RELN: variants seen among roughly 807,000 people sequenced by gnomAD.
The protein encoded by RELN is reelin.
RELN carries 108 observed loss-of-function variants against 427.6 expected under a neutral mutation model. The ratio of observed to expected loss-of-function variants is 0.25; its 90% confidence interval spans 0.22 to 0.30. The LOEUF is 0.30. Among genes scored for constraint, RELN ranks in the 10% least tolerant of loss-of-function variants. The pLI is 1.00. For synonymous variants in RELN, 1,524 were observed against 1,513.4 expected, an observed-to-expected ratio of 1.01 and a Z score of -0.16; for missense variants, 3,715 against 4,302.8, an observed-to-expected ratio of 0.86 and a Z score of 3.82.
chr7:103,599,244 C>T (rs1346256780), intron 24 of RELN, among the ~76,000 whole-genome samples: 2 of 152,006 alleles, frequency 1.3e-5, no homozygotes, highest in Admixed American at 6.6e-5. Flanking sequence ...TCCCAATTGT[C>T]TTTCTTTTTT....
intron 1 of RELN, among the ~76,000 whole-genome samples, chr7:103,982,401 C>T (rs1302817560): frequency 1.3e-5 from 2 of 151,918 alleles, no homozygotes; most frequent in African/African-American, 4.8e-5. Flanking sequence ...GAATTATGAC[C>T]GACCTAAATA....
chr7:103,834,700 T>C (rs2116412090), intron 2 of RELN, among the ~76,000 whole-genome samples: 1 of 152,170 alleles, frequency 6.6e-6, no homozygotes, highest in South Asian at 2.1e-4. Context: ...TGAAAAGATA[T>C]TCAGGATCAT....
At chr7:103,914,513 G>T (rs1026000622) in intron 2 of RELN, among the ~76,000 whole-genome samples, 6 of 152,032 alleles carry the variant, frequency 3.9e-5, no homozygotes, top group Non-Finnish European at 7.4e-5. Flanking sequence ...TAAGGAAATG[G>T]TCTGCTTCAG....
intron 6 of RELN, among the ~76,000 whole-genome samples, chr7:103,734,420 G>C (rs2115970823): frequency 1.3e-5 from 2 of 152,152 alleles, no homozygotes; most frequent in South Asian, 4.2e-4. Flanking sequence ...CAGAACATAA[G>C]AATCTGACAA....
intron 22 of RELN, among the ~76,000 whole-genome samples, chr7:103,608,925 C>G (rs1831880661): frequency 6.6e-6 from 1 of 152,058 alleles, no homozygotes; most frequent in South Asian, 2.1e-4. Flanking sequence ...AAAGACATCT[C>G]TAAAATATAC....
Position 103,535,302 on chromosome 7 carries a change from A to G in RELN, c.7349+14T>C. 6.2e-7 allele frequency: 1 copy of G among 1,613,280 alleles called. No individual in the cohort carries two copies. Among genetic ancestry groups the G allele is most frequent in the South Asian group, 1.1e-5 (1 of 91,062 alleles). ...ACGTAGAAGCATGTGGTGAACATGTAGAAGCATTCTTACCTGGTATAAGGA... is the reference window on the plus strand; with the variant it reads ...ACGTAGAAGCATGTGGTGAACATGTGGAAGCATTCTTACCTGGTATAAGGA... On this transcript the variant is annotated intron_variant, in intron 46 of 64. Transcript: ENST00000428762.
chr7:103,518,169 G>C (rs188857939), intron 49 of RELN, among the ~76,000 whole-genome samples: 8 of 152,070 alleles, frequency 5.3e-5, no homozygotes, highest in Non-Finnish European at 1.0e-4. Flanking sequence ...ATAGGAGAGA[G>C]AGAAAAATTA....
At chr7:103,963,017 G>A (rs1052891229) in intron 1 of RELN, among the ~76,000 whole-genome samples, 2 of 152,104 alleles carry the variant, frequency 1.3e-5, no homozygotes, top group African/African-American at 4.8e-5. Context: ...GCCAGAGAAG[G>A]AAACACCAAG....
intron 12 of RELN, among the ~76,000 whole-genome samples, chr7:103,654,612 C>T (rs1009692002): frequency 6.6e-6 from 1 of 152,088 alleles, no homozygotes; most frequent in African/African-American, 2.4e-5. Flanking sequence ...GTGATGACTT[C>T]CTGCATCAAG....
chr7:103,714,795 G>A (rs920419004), intron 8 of RELN, among the ~76,000 whole-genome samples: 14 of 152,032 alleles, frequency 9.2e-5, no homozygotes, highest in African/African-American at 3.4e-4. Context: ...CAAGTGACAG[G>A]GATGGCAATT....
chr7:103,881,571 C>T (rs1794608120), intron 2 of RELN, among the ~76,000 whole-genome samples: 1 of 152,118 alleles, frequency 6.6e-6, no homozygotes, highest in Admixed American at 6.5e-5. Context: ...GTTTGTCAGC[C>T]TTCCAAATGA....
At chr7:103,734,914 C>G (rs1201198843) in intron 6 of RELN, among the ~76,000 whole-genome samples, 1 of 151,984 alleles carries the variant, frequency 6.6e-6, no homozygotes, top group Non-Finnish European at 1.5e-5. Context: ...TAAAAATGTA[C>G]AAAAAGTAGA....
intron 3 of RELN, among the ~76,000 whole-genome samples, chr7:103,825,449 A>G (rs1408743469): frequency 6.6e-6 from 1 of 152,158 alleles, no homozygotes; most frequent in Non-Finnish European, 1.5e-5. Context: ...AATAAAACTA[A>G]AATGAAAAAT....
intron 2 of RELN, among the ~76,000 whole-genome samples, chr7:103,863,358 C>A (rs1481797354): frequency 2.0e-5 from 3 of 152,132 alleles, no homozygotes; most frequent in Non-Finnish European, 4.4e-5. Flanking sequence ...ACCTAATCTC[C>A]ACCTTTTACA....
At chr7:103,981,050 C>G (rs1380821938) in intron 1 of RELN, among the ~76,000 whole-genome samples, 2 of 152,184 alleles carry the variant, frequency 1.3e-5, no homozygotes, top group Non-Finnish European at 2.9e-5. Context: ...TTACATGTTC[C>G]TGAAGGTAAG....
chr7:103,488,352 GGA>G (rs765292617), intron 60 of RELN, among the ~76,000 whole-genome samples: 2 of 152,150 alleles, frequency 1.3e-5, no homozygotes, highest in Non-Finnish European at 2.9e-5. Flanking sequence ...TTAAGGTTCA[GGA>G]GAGAGGGCAA....
chr7:103,859,571 G>A (rs1563055520), intron 2 of RELN, among the ~76,000 whole-genome samples: 1 of 152,172 alleles, frequency 6.6e-6, no homozygotes, highest in Non-Finnish European at 1.5e-5. Context: ...GGGATTATAG[G>A]CGTGAGCCAC....
At chr7:103,975,774 C>T (rs1796866641) in intron 1 of RELN, among the ~76,000 whole-genome samples, 1 of 150,484 alleles carries the variant, frequency 6.6e-6, no homozygotes, top group Non-Finnish European at 1.5e-5. Flanking sequence ...TCTCGATCTC[C>T]TGACCTCATG....
chr7:103,621,836 C>T (rs1200117372), intron 20 of RELN, among the ~76,000 whole-genome samples: 2 of 151,880 alleles, frequency 1.3e-5, no homozygotes, highest in Admixed American at 6.6e-5. Context: ...GGCAACATGG[C>T]GAAACCTTGT....
Sources: gnomAD v4.1 joint callset for allele counts (sites outside exome capture counted in the v4.1 genomes callset) on GRCh38, gnomAD v4.1.1 for gene constraint, MANE v1.5 for transcripts, NCBI Gene and HGNC (gene_info 2026-07-23, HGNC 2026-07-21) for gene names.